FSTL4: variants seen among roughly 807,000 people sequenced by gnomAD.
FSTL4 encodes follistatin like 4, also known as follistatin-related protein 4.
Under a neutral mutation model 78.2 loss-of-function variants are expected in FSTL4, and 28 were observed. That is an observed-to-expected ratio of 0.36 (90% CI 0.27 to 0.49). FSTL4 has a LOEUF of 0.49. FSTL4 is among the 20% of genes least tolerant of loss of function. FSTL4 has a pLI of 0.98. For synonymous variants in FSTL4, 422 were observed against 440.5 expected, an observed-to-expected ratio of 0.96 and a Z score of 0.53; for missense variants, 922 against 1,084.9, an observed-to-expected ratio of 0.85 and a Z score of 2.11.
At chr5:133,552,763 C>A (rs1313798757) in intron 3 of FSTL4, among the ~76,000 whole-genome samples, 6 of 152,112 alleles carry the variant, frequency 3.9e-5, no homozygotes, top group African/African-American at 1.4e-4. Context: ...GGCAGACAGG[C>A]TTGGTGAGTT....
At chr5:133,742,868 G>A in the FSTL4 span, among the ~76,000 whole-genome samples, 10 of 152,098 alleles carry the variant, frequency 6.6e-5, no homozygotes, top group African/African-American at 2.4e-4. Context: ...AATGACAGGA[G>A]CGCGCGGTGG....
chr5:133,829,712 G>A, the FSTL4 span, among the ~76,000 whole-genome samples: 1 of 152,200 alleles, frequency 6.6e-6, no homozygotes, highest in African/African-American at 2.4e-5. Context: ...GGGAGAGATA[G>A]AAGAACCTCA....
chr5:133,775,021 A>C, the FSTL4 span, among the ~76,000 whole-genome samples: 2 of 152,210 alleles, frequency 1.3e-5, no homozygotes, highest in African/African-American at 4.8e-5. Context: ...CATTCACTAC[A>C]AAGAAAAGCA....
At chr5:133,284,236 A>C (rs1322997215) in intron 6 of FSTL4, among the ~76,000 whole-genome samples, 1 of 152,210 alleles carries the variant, frequency 6.6e-6, no homozygotes, top group Non-Finnish European at 1.5e-5. Flanking sequence ...CAGAGAGACC[A>C]TCTGCAAATT....
At chr5:133,595,916 G>A (rs578001948) in intron 2 of FSTL4, among the ~76,000 whole-genome samples, 54 of 152,228 alleles carry the variant, frequency 3.5e-4, no homozygotes, top group Non-Finnish European at 6.6e-4. Flanking sequence ...GGGTGCACTT[G>A]AAGCAAAGGC....
intron 3 of FSTL4, among the ~76,000 whole-genome samples, chr5:133,565,944 G>C (rs565123127): frequency 6.6e-6 from 1 of 152,220 alleles, no homozygotes; most frequent in African/African-American, 2.4e-5. Flanking sequence ...CAACTTACAT[G>C]GTCACAGTAC....
At chr5:133,594,620 C>T (rs1250403841) in intron 2 of FSTL4, among the ~76,000 whole-genome samples, 1 of 152,216 alleles carries the variant, frequency 6.6e-6, no homozygotes, top group African/African-American at 2.4e-5. Context: ...AGAGTATCTG[C>T]CTGGCAGGCC....
At chr5:133,214,958 A>G (rs1171736302) in intron 13 of FSTL4, among the ~76,000 whole-genome samples, 1 of 152,272 alleles carries the variant, frequency 6.6e-6, no homozygotes, top group South Asian at 2.1e-4. Context: ...ACCCTTCCAT[A>G]TGATTGCCTG....
the FSTL4 span, among the ~76,000 whole-genome samples, chr5:133,805,011 C>A: frequency 2.6e-5 from 4 of 151,172 alleles, no homozygotes; most frequent in Admixed American, 2.6e-4. Flanking sequence ...AGGCAACCTT[C>A]TCCTAATGCC....
intron 3 of FSTL4, among the ~76,000 whole-genome samples, chr5:133,505,586 C>T (rs1021141445): frequency 2.0e-5 from 3 of 152,186 alleles, no homozygotes; most frequent in Non-Finnish European, 4.4e-5. Flanking sequence ...ATATTCTGAG[C>T]CATTAGACAG....
In FSTL4 at chr5:133,240,169, C is replaced by G. The variant is rs1222781640; in HGVS notation, c.895-6632G>C. Reference sequence around the variant, plus strand: ...ACGAACCCACCAGAAGGAAGAAACTCCAAACGCATCCGAGCATCAGAAGGA... The same window carrying G: ...ACGAACCCACCAGAAGGAAGAAACTGCAAACGCATCCGAGCATCAGAAGGA... On this transcript the variant is annotated intron_variant, in intron 7 of 15. Coordinates refer to ENST00000265342, the MANE Select transcript of FSTL4 (RefSeq NM_015082.2). Among the ~76,000 whole-genome samples the G allele has an allele frequency of 2.6e-5, 4 of 152,148 alleles. No individual in the cohort carries two copies. In the East Asian group the frequency reaches 5.8e-4, roughly 22 times the overall value.
chr5:133,574,298 C>T (rs1210575334), intron 2 of FSTL4, among the ~76,000 whole-genome samples: 1 of 152,180 alleles, frequency 6.6e-6, no homozygotes. Flanking sequence ...CATTAAAAAA[C>T]TGTTAATAGT....
the FSTL4 span, among the ~76,000 whole-genome samples, chr5:133,637,216 TTC>T: frequency 6.6e-6 from 1 of 151,990 alleles, no homozygotes; most frequent in African/African-American, 2.4e-5. Context: ...CACTTCTCTC[TTC>T]TCTGTCTTGT....
intron 3 of FSTL4, chr5:133,427,545 T>A: frequency 2.0e-6 from 1 of 488,350 alleles, no homozygotes; most frequent in Non-Finnish European, 4.4e-6. Flanking sequence ...GCTCTCCTCA[T>A]GAGTGCTTCC....
At chr5:133,244,917 T>A (rs1186769003) in intron 7 of FSTL4, 1 of 152,092 alleles carries the variant, frequency 6.6e-6, no homozygotes, top group East Asian at 1.9e-4. Context: ...CTCAGGAGTT[T>A]GAGGCCAGCC....
At chr5:133,237,060 C>T (rs11242145) in intron 7 of FSTL4, among the ~76,000 whole-genome samples, 81,286 of 151,888 alleles carry the variant, frequency 0.54, 22,309 homozygotes, top group East Asian at 0.86. Flanking sequence ...GGGATTCTTT[C>T]AGTTTGACAG....
the FSTL4 span, among the ~76,000 whole-genome samples, chr5:133,663,262 A>C: frequency 1.3e-5 from 2 of 152,324 alleles, no homozygotes; most frequent in East Asian, 3.9e-4. Context: ...TCTTTCACTG[A>C]GTTGAAGTAC....
the FSTL4 span, among the ~76,000 whole-genome samples, chr5:133,819,409 G>A: frequency 6.6e-6 from 1 of 152,146 alleles, no homozygotes; most frequent in Admixed American, 6.5e-5. Context: ...CTGCTCAGTG[G>A]CTGAGAAGCA....
chr5:133,472,497 T>C (rs1757845553), intron 3 of FSTL4, among the ~76,000 whole-genome samples: 1 of 152,204 alleles, frequency 6.6e-6, no homozygotes, highest in Non-Finnish European at 1.5e-5. Flanking sequence ...AGAAATCATA[T>C]TAGTGAATGC....
Sources: allele counts gnomAD v4.1 joint callset (sites outside exome capture counted in the v4.1 genomes callset), GRCh38; gene constraint gnomAD v4.1.1; transcripts MANE v1.5; gene names NCBI Gene and HGNC (gene_info 2026-07-23, HGNC 2026-07-21).